MYH10: variants seen among roughly 807,000 people sequenced by gnomAD.
The protein encoded by MYH10 is myosin-10.
MYH10 carries 55 observed loss-of-function variants against 257.8 expected under a neutral mutation model. The observed-to-expected ratio is 0.21, with a 90% CI of 0.17 to 0.27. The LOEUF (loss-of-function observed/expected upper bound fraction) is 0.27, where lower values mean the gene tolerates loss of function less well. Ranked by LOEUF, MYH10 falls within the 10% of genes least tolerant of loss-of-function variation. The pLI is 1.00. For synonymous variants in MYH10, 854 were observed against 921.7 expected (o/e 0.93, Z 1.33); for missense variants, 1,631 against 2,500.6 (o/e 0.65, Z 7.42).
intron 38 of MYH10, 21 bp downstream of exon 38, chr17:8,481,301 C>T: frequency 6.2e-7 from 1 of 1,612,010 alleles, no homozygotes; most frequent in South Asian, 1.1e-5. Flanking sequence ...AAGAACCCAC[C>T]CCCGGCCGTG....
intron 4 of MYH10, among the ~76,000 whole-genome samples, chr17:8,578,158 G>A (rs1015166041): frequency 6.6e-6 from 1 of 151,944 alleles, no homozygotes; most frequent in Non-Finnish European, 1.5e-5. Context: ...TGGTGCCAGT[G>A]TTGTGCCTCA....
At chr17:8,614,122 T>G (rs941430439) in intron 2 of MYH10, among the ~76,000 whole-genome samples, 1 of 152,098 alleles carries the variant, frequency 6.6e-6, no homozygotes, top group African/African-American at 2.4e-5. Context: ...ATAAAGTATA[T>G]GTATTTTTCA....
Position 8,552,094 on chromosome 17 carries a change from A to C in MYH10, c.871T>G (p.Phe291Val). 1 of 1,563,634 alleles carries C rather than the reference A, an allele frequency of 6.4e-7. No individual in the cohort carries two copies. The highest frequency in any genetic ancestry group is 8.7e-7 in the Non-Finnish European group (1 of 1,150,552). ...GATAACAACTGGTAAAAGATATGAA[A>C]AGTACGTTCATCTTTTGCTTGACGA... is the stretch of plus-strand genomic sequence containing the variant. ...AVRQAKDERT[F>V]HIFYQLLSGA... Residue 291 changes from phenylalanine (F) to valine (V), a missense_variant, in exon 9 of 43, where the codon TTT becomes GTT. Around this residue, in one of 11 missense-constraint regions of MYH10, gnomAD observed 360 missense variants for 581.9 expected, o/e 0.62. Coordinates refer to ENST00000360416, the MANE Select transcript of MYH10 (RefSeq NM_001256012.3). This position sits in a 1 kb window ranked among gnomAD's most constrained non-coding sequence, Gnocchi z 4.8.
At chr17:8,551,091 G>A (rs1008419576) in intron 9 of MYH10, among the ~76,000 whole-genome samples, 1 of 148,344 alleles carries the variant, frequency 6.7e-6, no homozygotes, top group Non-Finnish European at 1.5e-5. Flanking sequence ...ATTGTCCTAT[G>A]ACCCTGCCAA....
At position 8,546,593 on chromosome 17, in the gene MYH10, C is replaced by T; in HGVS notation, c.1229G>A (p.Arg410Gln). 6.2e-7 allele frequency: 1 copy of T among 1,614,014 alleles called. No individual in the cohort carries two copies. Among genetic ancestry groups the T allele is most frequent in the Non-Finnish European group, 8.5e-7 (1 of 1,179,980 alleles). The change falls in exon 12 of 43, where the codon CGG becomes CAG. Residue 410 changes from arginine (R) to glutamine (Q), a missense_variant. Physicochemically the swap from Arg to Gln is conservative, Grantham distance 43. Coordinates refer to ENST00000360416, the MANE Select transcript of MYH10 (RefSeq NM_001256012.3). Reference sequence around the variant, plus strand: ...CACATAGTCTCGGCCGACCTTGATCCGGGGAGTCAGGATGGCCCGAGTAAA... The same window carrying T: ...CACATAGTCTCGGCCGACCTTGATCTGGGGAGTCAGGATGGCCCGAGTAAA... ...MEFTRAILTP[R>Q]IKVGRDYVQK...
intron 3 of MYH10, among the ~76,000 whole-genome samples, chr17:8,590,648 T>A (rs565381666): frequency 1.1e-4 from 16 of 152,242 alleles, no homozygotes; most frequent in Admixed American, 2.0e-4. Context: ...CTGGTGTTAT[T>A]CTTCCTTCTG....
Position 8,545,866 on chromosome 17 carries a change from C to T in MYH10, c.1279-266G>A, listed in dbSNP as rs578082205. On this transcript the variant is annotated intron_variant, in intron 12 of 42. Transcript: ENST00000360416. This position sits in a 1 kb window ranked among gnomAD's most constrained non-coding sequence, Gnocchi z 4.7. ...CGCCTGGGTCCTGGGTAGCACTGTC[C>T]GCCTGGATTCAGCTCAGTTAAGCTG... 1.5e-4 allele frequency among the ~76,000 whole-genome samples: 23 copies of T among 152,102 alleles called. No homozygotes were observed. In the South Asian group the frequency reaches 1.9e-3, roughly 12 times the overall value.
chr17:8,602,950 TATG>T (rs2084667487), intron 3 of MYH10, among the ~76,000 whole-genome samples: 1 of 152,242 alleles, frequency 6.6e-6, no homozygotes, highest in African/African-American at 2.4e-5. Context: ...ATATTAATAA[TATG>T]ATATGCTGAT....
chr17:8,547,617 C>T, intron 11 of MYH10, among the ~76,000 whole-genome samples: 1 of 151,532 alleles, frequency 6.6e-6, no homozygotes, highest in Non-Finnish European at 1.5e-5. Flanking sequence ...ACTGCGGATG[C>T]CTCCATGAGG....
At chr17:8,621,933 G>C (rs751672666) in intron 2 of MYH10, among the ~76,000 whole-genome samples, 3 of 152,128 alleles carry the variant, frequency 2.0e-5, no homozygotes, top group Admixed American at 2.0e-4. Flanking sequence ...AGAGAGACCT[G>C]GCCTGTCTTC....
chr17:8,594,612 A>G lies in MYH10; in HGVS notation c.503-5504T>C, dbSNP rs2084290013. 6.6e-5 allele frequency among the ~76,000 whole-genome samples: 10 copies of G among 152,318 alleles called. No homozygotes were observed. In the South Asian group the frequency reaches 2.1e-3, roughly 32 times the overall value. On this transcript the variant is annotated intron_variant, in intron 3 of 42. Transcript: ENST00000360416. Reference sequence around the variant, plus strand: ...TCAAATGAAATGAAAACTTATGCTCACACAAAAGCCTGTATACAAATGTTG... The same window carrying G: ...TCAAATGAAATGAAAACTTATGCTCGCACAAAAGCCTGTATACAAATGTTG...
In MYH10 at chr17:8,535,690, T is replaced by C; in HGVS notation, c.1779+68A>G. The C allele has an allele frequency of 6.7e-7, 1 of 1,496,070 alleles. No individual in the cohort carries two copies. The highest frequency in any genetic ancestry group is 9.2e-7 in the Non-Finnish European group (1 of 1,088,974). The allele number at this position is 1,496,070 out of a possible 1,614,324, so 92.7% of individuals were successfully genotyped here. On this transcript the variant is annotated intron_variant, in intron 15 of 42. Coordinates refer to ENST00000360416, the MANE Select transcript of MYH10 (RefSeq NM_001256012.3). The surrounding 1 kb of genome is among the most constrained non-coding windows in gnomAD (Gnocchi z 4.3). Reference sequence around the variant, plus strand: ...GTTTATCAGCACCTTTGTTACACCTTCATAAAAATGTAGCAAAATTTCAAA... The same window carrying C: ...GTTTATCAGCACCTTTGTTACACCTCCATAAAAATGTAGCAAAATTTCAAA...
chr17:8,492,216 G>A, intron 34 of MYH10, 81 bp downstream of exon 34: 1 of 1,374,034 alleles, frequency 7.3e-7, no homozygotes, highest in Non-Finnish European at 1.0e-6. Flanking sequence ...CTCCCCTGAG[G>A]AGTCGCCCGC....
intron 7 of MYH10, among the ~76,000 whole-genome samples, chr17:8,568,488 CACG>C (rs1361003375): frequency 6.6e-6 from 1 of 151,910 alleles, no homozygotes; most frequent in East Asian, 1.9e-4. Context: ...AAAAGCGTGT[CACG>C]ACGACACTAG....
Position 8,481,379 on chromosome 17 carries a change from TGTCGGCGG to T in MYH10, c.5199_5206del (p.His1736AlafsTer5). 6.2e-7 allele frequency: 1 copy of T among 1,614,094 alleles called. No individual in the cohort carries two copies. The highest frequency in any genetic ancestry group is 8.5e-7 in the Non-Finnish European group (1 of 1,180,008). ...CAGCTCATCTCTCTCCTGCTCGGCGTGTCGGCGGGCTCGCTCAGATGAGGCAAGTTCCT... is the reference window on the plus strand; with the variant it reads ...CAGCTCATCTCTCTCCTGCTCGGCGTGCTCGCTCAGATGAGGCAAGTTCCT... On this transcript the variant is annotated frameshift_variant, in exon 38 of 43. Coordinates refer to ENST00000360416, the MANE Select transcript of MYH10 (RefSeq NM_001256012.3). LOFTEE classifies it high-confidence loss of function.
intron 3 of MYH10, among the ~76,000 whole-genome samples, chr17:8,598,822 T>A (rs2084486187): frequency 1.3e-5 from 2 of 151,798 alleles, no homozygotes; most frequent in Admixed American, 6.6e-5. Flanking sequence ...TCTTCCCACC[T>A]CAGCCTCCTG....
chr17:8,480,688 G>T, intron 38 of MYH10, 163 bp from the exon 39 acceptor site: 1 of 881,332 alleles, frequency 1.1e-6, no homozygotes, highest in East Asian at 2.7e-5. Flanking sequence ...AGGTCCCACT[G>T]ATGACACTTC....
chr17:8,538,174 T>C (rs1264982310), intron 14 of MYH10, among the ~76,000 whole-genome samples: 1 of 152,206 alleles, frequency 6.6e-6, no homozygotes, highest in African/African-American at 2.4e-5. Context: ...TAAACTCTCA[T>C]GGGGTTTACA....
chr17:8,493,892 T>G lies in MYH10; in HGVS notation c.4057-7A>C. The G allele has an allele frequency of 6.3e-7, 1 of 1,588,234 alleles. No individual in the cohort carries two copies. Among genetic ancestry groups the G allele is most frequent in the East Asian group, 2.2e-5 (1 of 44,742 alleles). ...TCTCCTCCTGAAGAAGCTCCTGTGTTTTTTTTTTAAAGGGCAACACTTCCA... is the reference window on the plus strand; with the variant it reads ...TCTCCTCCTGAAGAAGCTCCTGTGTGTTTTTTTTAAAGGGCAACACTTCCA... On this transcript the variant is annotated splice_region_variant and splice_polypyrimidine_tract_variant and intron_variant, in intron 31 of 42. Transcript: ENST00000360416.
Sources: allele counts gnomAD v4.1 joint callset (sites outside exome capture counted in the v4.1 genomes callset), GRCh38; gene constraint gnomAD v4.1.1; regional missense constraint gnomAD v4.1.1; non-coding constraint Gnocchi (gnomAD v3.1); transcripts MANE v1.5; gene names NCBI Gene and HGNC (gene_info 2026-07-23, HGNC 2026-07-21).